COL27A1: variants seen among roughly 807,000 people sequenced by gnomAD.
COL27A1 encodes the protein collagen type XXVII alpha 1 chain.
In COL27A1, 106 loss-of-function variants were observed where a neutral mutation model predicts 251.3. The observed-to-expected ratio is 0.42, with a 90% CI of 0.36 to 0.50. The LOEUF (loss-of-function observed/expected upper bound fraction) is 0.50, where lower values mean the gene tolerates loss of function less well. Ranked by LOEUF, COL27A1 falls within the 20% of genes least tolerant of loss-of-function variation. The probability of loss-of-function intolerance (pLI) is 0.00; values close to 1 mark genes in which losing one functional copy is unlikely to be tolerated. For synonymous variants in COL27A1, 1,000 were observed against 986.3 expected (o/e 1.01, Z -0.26); for missense variants, 2,325 against 2,522.8 (o/e 0.92, Z 1.68).
intron 52 of COL27A1, 75 bp downstream of exon 52, chr9:114,301,200 G>A: frequency 1.2e-6 from 2 of 1,610,764 alleles, no homozygotes; most frequent in Non-Finnish European, 1.7e-6. Flanking sequence ...CTGTGACTCA[G>A]TGCCAGTCTG....
intron 1 of COL27A1, among the ~76,000 whole-genome samples, chr9:114,157,106 A>ACGCGCGCGCG: frequency 6.8e-6 from 1 of 147,844 alleles, no homozygotes; most frequent in South Asian, 2.2e-4. Context: ...ACACACACAT[A>ACGCGCGCGCG]CGCGCGCGCG....
At position 114,205,810 on chromosome 9, in the gene COL27A1, C is replaced by A; in HGVS notation, c.2221C>A (p.Gln741Lys). ...SPGAKGYPGR[Q>K]GLPGPVGDPG... ...AGGGGCCAAAGGTTACCCTGGCAGGCAGGTGCAGTATATGGCTTCTGGAAG... is the reference window on the plus strand; with the variant it reads ...AGGGGCCAAAGGTTACCCTGGCAGGAAGGTGCAGTATATGGCTTCTGGAAG... The change falls in exon 9 of 61, where the codon CAG becomes AAG. Residue 741 changes from glutamine to lysine, a missense_variant and splice_region_variant. Gln to Lys is a moderately conservative substitution (Grantham distance 53, BLOSUM62 1). Coordinates refer to ENST00000356083, the MANE Select transcript of COL27A1 (RefSeq NM_032888.4). The A allele has an allele frequency of 6.2e-7, 1 of 1,613,036 alleles. No homozygotes were observed. Among genetic ancestry groups the A allele is most frequent in the Non-Finnish European group, 8.5e-7 (1 of 1,179,500 alleles).
rs530867827 is a variant in COL27A1 at position 114,295,142 on chromosome 9, A to C, written c.4584+2932A>C. Among the ~76,000 whole-genome samples, 5 of 152,380 alleles carry C rather than the reference A, an allele frequency of 3.3e-5. No homozygotes were observed. The East Asian group carries it at 9.6e-4, about 29-fold the overall frequency. On this transcript the variant is annotated intron_variant, in intron 49 of 60. Coordinates refer to ENST00000356083, the MANE Select transcript of COL27A1 (RefSeq NM_032888.4). ...GCACAAATGAATTGCATTTCTATAC[A>C]CTAGCAACAAACAATTAGAAATGGA...
rs747119126 is a variant in COL27A1, at chr9:114,168,432, G to T, written c.877G>T (p.Ala293Ser). The T allele has an allele frequency of 3.1e-6, 5 of 1,610,984 alleles. No individual in the cohort carries two copies. The highest frequency in any genetic ancestry group is 4.5e-5 in the East Asian group (2 of 44,788). Residue 293 changes from alanine (A) to serine (S), a missense_variant, in exon 3 of 61, where the codon GCA (alanine) becomes TCA (serine). By Grantham distance (99) the Ala-to-Ser change is moderately conservative. This residue lies in a region of COL27A1 where 1,183 missense variants were observed against 1,144.1 expected (regional missense o/e 1.03). Coordinates refer to ENST00000356083, the MANE Select transcript of COL27A1 (RefSeq NM_032888.4). ...PAGRGPRGTV[A>S]PATPTKPQRT... ...AGGCAGGGGACCCAGGGGGACTGTG[G>T]CACCCGCCACGCCCACCAAGCCCCA...
At chr9:114,179,991 C>T (rs1338853170) in intron 4 of COL27A1, among the ~76,000 whole-genome samples, 1 of 151,918 alleles carries the variant, frequency 6.6e-6, no homozygotes, top group Non-Finnish European at 1.5e-5. Flanking sequence ...AGCACACGCC[C>T]CCGGGCCCAG....
In COL27A1 at chr9:114,304,640, G is replaced by C. The variant is rs746766906; in HGVS notation, c.4905G>C (p.Thr1635=). Residue 1635 remains threonine (T), a synonymous_variant, in exon 57 of 61, where the codon ACG becomes ACC. Transcript: ENST00000356083. ...QQDDLGAAFQ[T]WMDTSGALRP... ...ATGATCTTGGGGCAGCTTTCCAGAC[G>C]TGGATGGACACCAGTGGAGCACTCA... 10 of 1,614,040 alleles carry C rather than the reference G, an allele frequency of 6.2e-6. No individual in the cohort carries two copies. The highest frequency in any genetic ancestry group is 7.6e-6 in the Non-Finnish European group (9 of 1,180,030).
At chr9:114,265,138 C>A in intron 31 of COL27A1, 28 bp downstream of exon 31, 1 of 1,531,212 alleles carries the variant, frequency 6.5e-7, no homozygotes, top group Non-Finnish European at 8.9e-7. Context: ...TTGAAATTCT[C>A]TACATGGGGC....
At chr9:114,206,900 G>T (rs1260349978) in intron 10 of COL27A1, among the ~76,000 whole-genome samples, 1 of 152,254 alleles carries the variant, frequency 6.6e-6, no homozygotes, top group Non-Finnish European at 1.5e-5. Context: ...GGGCCACCAG[G>T]TGGGGACTCC....
intron 24 of COL27A1, 88 bp from the exon 25 acceptor site, chr9:114,250,527 C>A: frequency 7.9e-7 from 1 of 1,267,932 alleles, no homozygotes; most frequent in Non-Finnish European, 1.1e-6. Context: ...TGGGAGACAC[C>A]TGGGAGATGA....
chr9:114,253,427 AAG>A lies in COL27A1; in HGVS notation c.3141+498_3141+499del, dbSNP rs533694945. On this transcript the variant is annotated intron_variant, in intron 27 of 60. Transcript: ENST00000356083. ...AAAAGACAGAAAGAAGAGGAGAAAA[AAG>A]AGGAGGGAGGGAGGGCGGGAGGGGA... Among the ~76,000 whole-genome samples the A allele has an allele frequency of 3.2e-3, 427 of 135,038 alleles. 4 individuals carry two copies. Among genetic ancestry groups the A allele is most frequent in the African/African-American group, 0.011 (405 of 37,274 alleles). The allele number at this position is 135,038 out of a possible 152,430, so 88.6% of individuals were successfully genotyped here.
chr9:114,188,149 T>C (rs1024890769), intron 5 of COL27A1, among the ~76,000 whole-genome samples: 1 of 152,264 alleles, frequency 6.6e-6, no homozygotes, highest in African/African-American at 2.4e-5. Flanking sequence ...GGCAGTGTGC[T>C]GACAGTAACG....
intron 2 of COL27A1, among the ~76,000 whole-genome samples, chr9:114,166,522 A>AT: frequency 6.6e-6 from 1 of 152,304 alleles, no homozygotes; most frequent in Admixed American, 6.5e-5. Context: ...CAAGTGTTGC[A>AT]TTCAGCCCCC....
At chr9:114,219,666 C>A in intron 12 of COL27A1, 125 bp from the exon 13 acceptor site, 1 of 707,934 alleles carries the variant, frequency 1.4e-6, no homozygotes. Context: ...CACTGTCTGC[C>A]CATGACCAAG....
At chr9:114,171,075 C>T (rs1849285644) in intron 3 of COL27A1, among the ~76,000 whole-genome samples, 1 of 152,196 alleles carries the variant, frequency 6.6e-6, no homozygotes, top group Admixed American at 6.5e-5. Context: ...TGCTGTATGT[C>T]TGAGTCAAAT....
chr9:114,154,552 C>T (rs927913238), upstream of COL27A1, among the ~76,000 whole-genome samples: 3 of 152,144 alleles, frequency 2.0e-5, no homozygotes, highest in African/African-American at 7.2e-5. This position sits in a 1 kb window ranked among gnomAD's most constrained non-coding sequence, Gnocchi z 5.8. Context: ...CGTGTGTCCA[C>T]CCGGGGTGTG....
chr9:114,276,919 A>G (rs543569882), intron 37 of COL27A1, among the ~76,000 whole-genome samples: 1 of 152,360 alleles, frequency 6.6e-6, no homozygotes, highest in East Asian at 1.9e-4. Context: ...TGATACCGAT[A>G]GCAACCCCTG....
intron 7 of COL27A1, 62 bp from the exon 8 acceptor site, chr9:114,205,039 CT>C: frequency 6.5e-7 from 1 of 1,548,894 alleles, no homozygotes; most frequent in Non-Finnish European, 8.9e-7. Context: ...AGGCTGGGCC[CT>C]TGCGATCTCC....
chr9:114,208,750 C>G (rs1026529708), intron 10 of COL27A1, among the ~76,000 whole-genome samples: 13 of 151,972 alleles, frequency 8.6e-5, no homozygotes, highest in African/African-American at 3.1e-4. Context: ...AGGATGCTAC[C>G]GAGGTGCAAA....
intron 41 of COL27A1, among the ~76,000 whole-genome samples, chr9:114,285,792 ACT>A (rs1827435032): frequency 6.6e-6 from 1 of 152,090 alleles, no homozygotes; most frequent in Admixed American, 6.5e-5. Context: ...GTTAACACAG[ACT>A]CTGAAACAAG....
Sources: gnomAD v4.1 joint callset for allele counts (sites outside exome capture counted in the v4.1 genomes callset) on GRCh38, gnomAD v4.1.1 for gene constraint, gnomAD v4.1.1 regional missense constraint, Gnocchi (gnomAD v3.1) non-coding constraint, MANE v1.5 for transcripts, NCBI Gene and HGNC (gene_info 2026-07-23, HGNC 2026-07-21) for gene names.